The following TUSC3 variants were observed in gnomAD, a reference collection of about 807,000 sequenced individuals.
TUSC3 encodes tumor suppressor candidate 3.
TUSC3 carries 45 observed loss-of-function variants against 44.8 expected under a neutral mutation model. The observed-to-expected ratio is 1.00, with a 90% CI of 0.79 to 1.29. The LOEUF (loss-of-function observed/expected upper bound fraction) is 1.29, where lower values mean the gene tolerates loss of function less well. Ranked by LOEUF, TUSC3 falls within the 50% of genes most tolerant of loss-of-function variation. The probability of loss-of-function intolerance (pLI) is 0.00; values close to 1 mark genes in which losing one functional copy is unlikely to be tolerated. For synonymous variants in TUSC3, 212 were observed against 152.9 expected (o/e 1.39, Z -2.85); for missense variants, 519 against 437.9 (o/e 1.19, Z -1.65).
At chr8:15,455,292 G>A (rs909349929) in intron 1 of TUSC3, among the ~76,000 whole-genome samples, 1 of 152,124 alleles carries the variant, frequency 6.6e-6, no homozygotes, top group Non-Finnish European at 1.5e-5. Context: ...TGTTTCGGGA[G>A]GCAAGAGAAA....
chr8:15,598,698 T>C (rs1335174724), intron 1 of TUSC3, among the ~76,000 whole-genome samples: 1 of 151,926 alleles, frequency 6.6e-6, no homozygotes, highest in Non-Finnish European at 1.5e-5. Flanking sequence ...ATACAGTATA[T>C]AGCCTTTTCA....
intron 5 of TUSC3, among the ~76,000 whole-genome samples, chr8:15,667,977 A>T (rs996785666): frequency 1.3e-5 from 2 of 151,694 alleles, no homozygotes; most frequent in Non-Finnish European, 3.0e-5. Flanking sequence ...TGGTGTTCTC[A>T]GCTCACCACA....
intron 6 of TUSC3, among the ~76,000 whole-genome samples, chr8:15,698,787 C>G (rs1219280718): frequency 1.3e-5 from 2 of 151,660 alleles, no homozygotes; most frequent in Non-Finnish European, 2.9e-5. Flanking sequence ...TTATTTTTCT[C>G]CAGTTTGCTT....
chr8:15,662,372 G>T (rs1020950757), intron 5 of TUSC3, 76 bp downstream of exon 5: 13 of 1,582,912 alleles, frequency 8.2e-6, no homozygotes, highest in East Asian at 2.2e-5. Context: ...TTAACAAAAT[G>T]AGCCAGATAT....
At chr8:15,428,597 G>A (rs1025021295) in intron 1 of TUSC3, among the ~76,000 whole-genome samples, 10 of 152,160 alleles carry the variant, frequency 6.6e-5, no homozygotes, top group Non-Finnish European at 1.0e-4. Flanking sequence ...CAGTGTAAAA[G>A]TGTTCCTATT....
intron 2 of TUSC3, among the ~76,000 whole-genome samples, chr8:15,509,946 T>A (rs1801110189): frequency 6.6e-6 from 1 of 152,090 alleles, no homozygotes; most frequent in African/African-American, 2.4e-5. Flanking sequence ...TAGGCAGGAG[T>A]ATTGCTTGGG....
intron 2 of TUSC3, among the ~76,000 whole-genome samples, chr8:15,510,760 C>G (rs190716620): frequency 1.0e-4 from 14 of 137,198 alleles, no homozygotes; most frequent in African/African-American, 3.4e-4. Flanking sequence ...CATTACAAAA[C>G]CAAGATACTA....
rs191580705 is a variant in TUSC3 at position 15,549,473 on chromosome 8, A to C, written c.138+8905A>C. On this transcript the variant is annotated intron_variant, in intron 1 of 10. Coordinates refer to ENST00000503731, the MANE Select transcript of TUSC3 (RefSeq NM_006765.4). ...AGGCGTGAGCCACCATGCTCGGCCT[A>C]ATGTACTTACTTATTTTTTTGTGTG... is the stretch of plus-strand genomic sequence containing the variant. Among the ~76,000 whole-genome samples the C allele has an allele frequency of 1.6e-3, 247 of 151,824 alleles. 2 individuals are homozygous for C. The highest frequency in any genetic ancestry group is 5.7e-3 in the African/African-American group (238 of 41,508).
intron 1 of TUSC3, among the ~76,000 whole-genome samples, chr8:15,437,967 G>C (rs760047621): frequency 2.0e-5 from 3 of 152,278 alleles, no homozygotes; most frequent in Middle Eastern, 3.4e-3. Flanking sequence ...TAAAAGCTTT[G>C]GAACTGTACA....
At chr8:15,648,892 T>C (rs1420257836) in intron 2 of TUSC3, among the ~76,000 whole-genome samples, 2 of 151,972 alleles carry the variant, frequency 1.3e-5, no homozygotes, top group African/African-American at 2.4e-5. Context: ...TGTGTTACCG[T>C]GTGAGACTTG....
intron 3 of TUSC3, among the ~76,000 whole-genome samples, chr8:15,655,882 T>G (rs777004899): frequency 1.2e-4 from 19 of 152,086 alleles, no homozygotes; most frequent in Non-Finnish European, 2.6e-4. Context: ...TTTGCATAAG[T>G]TGGTTAAATC....
the TUSC3 span, among the ~76,000 whole-genome samples, chr8:15,777,823 C>A: frequency 6.6e-6 from 1 of 152,004 alleles, no homozygotes; most frequent in African/African-American, 2.4e-5. Context: ...TACAGACACA[C>A]ACAAGAAGTA....
intron 1 of TUSC3, among the ~76,000 whole-genome samples, chr8:15,475,821 A>G (rs546143789): frequency 6.6e-6 from 1 of 152,178 alleles, no homozygotes; most frequent in Non-Finnish European, 1.5e-5. Context: ...AGGCACTCTG[A>G]AAGTCTAGAT....
the TUSC3 span, among the ~76,000 whole-genome samples, chr8:15,837,628 A>G: frequency 1.3e-5 from 2 of 151,988 alleles, no homozygotes; most frequent in African/African-American, 2.4e-5. Flanking sequence ...TGCCAGCCGA[A>G]CTCACATTTA....
intron 1 of TUSC3, among the ~76,000 whole-genome samples, chr8:15,553,958 A>G (rs1005717728): frequency 1.3e-5 from 2 of 151,824 alleles, no homozygotes; most frequent in South Asian, 2.1e-4. Context: ...TCAGACTGCC[A>G]TAACCATCAG....
rs1809291928 is a variant in TUSC3, at chr8:15,699,130, G to C, written c.798+25294G>C. On this transcript the variant is annotated intron_variant, in intron 6 of 10. Transcript: ENST00000503731. ...GCCAAAGTACCAGGATTACAGAGGTGAGCCAACCATGTGCAGCCATCTTCA... is the reference window on the plus strand; with the variant it reads ...GCCAAAGTACCAGGATTACAGAGGTCAGCCAACCATGTGCAGCCATCTTCA... 2.6e-5 allele frequency among the ~76,000 whole-genome samples: 4 copies of C among 152,120 alleles called. No homozygotes were observed. The South Asian group carries it at 8.3e-4, about 32-fold the overall frequency.
At chr8:15,604,885 C>T (rs1804453499) in intron 1 of TUSC3, among the ~76,000 whole-genome samples, 1 of 151,712 alleles carries the variant, frequency 6.6e-6, no homozygotes, top group Non-Finnish European at 1.5e-5. Context: ...ATTTGTTGGG[C>T]TTATATTGGT....
the TUSC3 span, among the ~76,000 whole-genome samples, chr8:15,821,923 T>C: frequency 6.6e-6 from 1 of 152,150 alleles, no homozygotes; most frequent in Non-Finnish European, 1.5e-5. Flanking sequence ...AATTAGACTA[T>C]AGACAGGTAA....
chr8:15,836,559 C>T, the TUSC3 span, among the ~76,000 whole-genome samples: 7 of 151,890 alleles, frequency 4.6e-5, no homozygotes, highest in Non-Finnish European at 8.8e-5. Context: ...TTTCCACTCC[C>T]TGTAGTCTAA....
Sources: gnomAD v4.1 joint callset for allele counts (sites outside exome capture counted in the v4.1 genomes callset) on GRCh38, gnomAD v4.1.1 for gene constraint, MANE v1.5 for transcripts, NCBI Gene and HGNC (gene_info 2026-07-23, HGNC 2026-07-21) for gene names.